NAALADL2: variants seen among roughly 807,000 people sequenced by gnomAD.
The protein encoded by NAALADL2 is inactive N-acetylated-alpha-linked acidic dipeptidase-like protein 2.
A neutral mutation model predicts 87.2 loss-of-function variants in NAALADL2; 76 were observed. The observed-to-expected ratio is 0.87, with a 90% CI of 0.72 to 1.05. NAALADL2 has a LOEUF of 1.05. Ranked by LOEUF, NAALADL2 falls within the 50% of genes least tolerant of loss-of-function variation. The pLI, the probability that NAALADL2 is intolerant of heterozygous loss-of-function variation, is 0.00. For missense variants in NAALADL2, 1,089 were observed against 945.8 expected (o/e 1.15, Z -1.99); for synonymous variants, 354 against 331.0 (o/e 1.07, Z -0.75).
At chr3:174,588,648 AC>A (rs1356714471) in intron 2 of NAALADL2, among the ~76,000 whole-genome samples, 2 of 152,088 alleles carry the variant, frequency 1.3e-5, no homozygotes, top group African/African-American at 4.8e-5. Context: ...TCCACTCCAG[AC>A]CCTGTTTGCC....
chr3:174,534,852 G>A (rs1721587020), intron 1 of NAALADL2, among the ~76,000 whole-genome samples: 1 of 152,168 alleles, frequency 6.6e-6, no homozygotes, highest in Non-Finnish European at 1.5e-5. Context: ...GAAGCCGACA[G>A]TGTTTTTTGG....
chr3:175,571,068 A>G (rs1718008164), intron 9 of NAALADL2, among the ~76,000 whole-genome samples: 1 of 152,238 alleles, frequency 6.6e-6, no homozygotes, highest in Admixed American at 6.5e-5. Context: ...TGAATTATTA[A>G]GCAGATTTTA....
chr3:175,382,799 G>A lies in NAALADL2; in HGVS notation c.1090+58474G>A, dbSNP rs796307769. ...TAAGAAGTTATGGTTAATTATATAC[G>A]TATTCTCCTTACCTGGGGGGAACTC... On this transcript the variant is annotated intron_variant, in intron 5 of 13. Coordinates refer to ENST00000454872, the MANE Select transcript of NAALADL2 (RefSeq NM_207015.3). Among the ~76,000 whole-genome samples, 11 of 151,574 alleles carry A rather than the reference G, an allele frequency of 7.3e-5. No homozygotes were observed. The South Asian group carries it at 1.7e-3, about 23-fold the overall frequency.
chr3:175,498,233 T>C (rs1356446821), intron 9 of NAALADL2, among the ~76,000 whole-genome samples: 1 of 152,124 alleles, frequency 6.6e-6, no homozygotes, highest in Non-Finnish European at 1.5e-5. Flanking sequence ...TAAAAGCTAT[T>C]GACCTTAAAA....
chr3:174,954,698 G>C (rs567234067), intron 1 of NAALADL2, among the ~76,000 whole-genome samples: 11 of 152,020 alleles, frequency 7.2e-5, no homozygotes, highest in Non-Finnish European at 1.3e-4. Flanking sequence ...CCAACAACAC[G>C]ATAGAGAATG....
chr3:175,360,954 G>A (rs1764934136), intron 5 of NAALADL2, among the ~76,000 whole-genome samples: 1 of 151,262 alleles, frequency 6.6e-6, no homozygotes, highest in Non-Finnish European at 1.5e-5. Flanking sequence ...GTGCCATGTT[G>A]GTGTGCTGCA....
intron 2 of NAALADL2, among the ~76,000 whole-genome samples, chr3:174,601,328 AG>A (rs1199466494): frequency 1.3e-5 from 2 of 152,084 alleles, no homozygotes; most frequent in Non-Finnish European, 2.9e-5. Context: ...TTTGGATAAA[AG>A]CCATTTTAAC....
chr3:174,646,482 A>G (rs769112212), intron 2 of NAALADL2, among the ~76,000 whole-genome samples: 125 of 152,286 alleles, frequency 8.2e-4, no homozygotes, highest in Non-Finnish European at 7.5e-4. Context: ...CACATATTTT[A>G]TATGTGAACA....
At chr3:175,391,041 T>G (rs1028220537) in intron 5 of NAALADL2, among the ~76,000 whole-genome samples, 15 of 152,160 alleles carry the variant, frequency 9.9e-5, no homozygotes, top group African/African-American at 2.4e-5. Context: ...TTATGGAGCA[T>G]CTGGTGCATG....
At chr3:174,464,337 A>C (rs1430666389) in intron 1 of NAALADL2, among the ~76,000 whole-genome samples, 1 of 151,088 alleles carries the variant, frequency 6.6e-6, no homozygotes, top group African/African-American at 2.4e-5. Flanking sequence ...CTTTGCCGTA[A>C]GTTTAACTCT....
chr3:174,686,122 A>G (rs1255016910), intron 2 of NAALADL2, among the ~76,000 whole-genome samples: 2 of 152,070 alleles, frequency 1.3e-5, no homozygotes, highest in Non-Finnish European at 2.9e-5. Flanking sequence ...TAGTGATGCA[A>G]TGAACATATG....
intron 1 of NAALADL2, among the ~76,000 whole-genome samples, chr3:174,955,454 T>G (rs1402205279): frequency 6.6e-6 from 1 of 152,020 alleles, no homozygotes; most frequent in African/African-American, 2.4e-5. Flanking sequence ...CAGTGAAAGG[T>G]TTTAGGATCT....
At chr3:174,689,579 A>G (rs1402766222) in intron 2 of NAALADL2, among the ~76,000 whole-genome samples, 1 of 152,012 alleles carries the variant, frequency 6.6e-6, no homozygotes, top group Non-Finnish European at 1.5e-5. Context: ...CATACCCTAG[A>G]TGAAAATCTC....
rs192743423 is a variant in NAALADL2, at chr3:175,509,718, C to T, written c.1653+37960C>T. On this transcript the variant is annotated intron_variant, in intron 9 of 13. Coordinates refer to ENST00000454872, the MANE Select transcript of NAALADL2 (RefSeq NM_207015.3). Reference sequence around the variant, plus strand: ...ATTCTCCTGCTGCTATAAGGACATGCGAGAGACTGGGTAATTTATAAGGGG... The same window carrying T: ...ATTCTCCTGCTGCTATAAGGACATGTGAGAGACTGGGTAATTTATAAGGGG... Among the ~76,000 whole-genome samples, 606 of 152,202 alleles carry T rather than the reference C, an allele frequency of 4.0e-3. 5 individuals carry two copies. The highest frequency in any genetic ancestry group is 0.013 in the African/African-American group (546 of 41,518).
At chr3:174,585,644 C>G (rs1716623663) in intron 2 of NAALADL2, among the ~76,000 whole-genome samples, 1 of 150,122 alleles carries the variant, frequency 6.7e-6, no homozygotes, top group Non-Finnish European at 1.5e-5. Context: ...ATTGTGGAAT[C>G]AAAAGATAGT....
At chr3:174,792,281 A>G (rs1026405543) in intron 3 of NAALADL2, among the ~76,000 whole-genome samples, 64 of 141,164 alleles carry the variant, frequency 4.5e-4, no homozygotes, top group African/African-American at 1.6e-3. Flanking sequence ...GGAAGGAGGG[A>G]GGGAAGGAGG....
intron 1 of NAALADL2, among the ~76,000 whole-genome samples, chr3:174,888,656 C>G (rs1371179037): frequency 6.6e-6 from 1 of 152,218 alleles, no homozygotes; most frequent in African/African-American, 2.4e-5. Flanking sequence ...TTTATTTTAT[C>G]AAGCTTATCA....
chr3:175,121,498 G>A (rs1388040258), intron 2 of NAALADL2, among the ~76,000 whole-genome samples: 1 of 151,764 alleles, frequency 6.6e-6, no homozygotes, highest in Non-Finnish European at 1.5e-5. Flanking sequence ...TACTGGCTGT[G>A]GTTGCAGCTG....
At chr3:175,170,360 A>T (rs1734619915) in intron 2 of NAALADL2, among the ~76,000 whole-genome samples, 1 of 149,944 alleles carries the variant, frequency 6.7e-6, no homozygotes, top group Non-Finnish European at 1.5e-5. Flanking sequence ...AGTATTTTAT[A>T]TAACAAAAAT....
Sources: allele counts gnomAD v4.1 joint callset (sites outside exome capture counted in the v4.1 genomes callset), GRCh38; gene constraint gnomAD v4.1.1; transcripts MANE v1.5; gene names NCBI Gene and HGNC (gene_info 2026-07-23, HGNC 2026-07-21).